PKD1L3: variants seen among roughly 807,000 people sequenced by gnomAD.
PKD1L3 encodes the protein polycystin-1-like protein 3.
Under a neutral mutation model 184.1 loss-of-function variants are expected in PKD1L3, and 239 were observed. The ratio of observed to expected loss-of-function variants is 1.30; its 90% confidence interval spans 1.17 to 1.45. The LOEUF (loss-of-function observed/expected upper bound fraction) is 1.45, where lower values mean the gene tolerates loss of function less well. Among genes scored for constraint, PKD1L3 ranks in the 40% most tolerant of loss-of-function variants. The pLI, the probability that PKD1L3 is intolerant of heterozygous loss-of-function variation, is 0.00. For synonymous variants in PKD1L3, 996 were observed against 778.8 expected (o/e 1.28, Z -4.64); for missense variants, 2,660 against 2,067.2 (o/e 1.29, Z -5.56).
At chr16:71,982,657 T>G (rs1300725060) in intron 6 of PKD1L3, among the ~76,000 whole-genome samples, 3 of 151,946 alleles carry the variant, frequency 2.0e-5, no homozygotes, top group Non-Finnish European at 2.9e-5. Context: ...AGTGCAGTGG[T>G]ACAATCATGC....
intron 10 of PKD1L3, 46 bp downstream of exon 10, chr16:71,978,209 A>G: frequency 6.6e-7 from 1 of 1,520,316 alleles, no homozygotes; most frequent in Non-Finnish European, 8.9e-7. Flanking sequence ...CCTGTTGCAG[A>G]ATATCCCATT....
intron 15 of PKD1L3, among the ~76,000 whole-genome samples, 200 bp downstream of exon 15, chr16:71,966,937 T>A (rs1034032961): frequency 6.6e-6 from 1 of 152,196 alleles, no homozygotes; most frequent in African/African-American, 2.4e-5. Context: ...ATTATTCTAC[T>A]ATCCAAAAAA....
chr16:71,980,928 T>C (rs1029634395), intron 7 of PKD1L3, among the ~76,000 whole-genome samples: 3 of 152,226 alleles, frequency 2.0e-5, no homozygotes, highest in Non-Finnish European at 4.4e-5. Context: ...ATCTACTTTA[T>C]GTGTCTACAG....
In PKD1L3 at chr16:71,986,315, G is replaced by C. The variant is rs1285739028; in HGVS notation, c.740C>G (p.Ser247Cys). The C allele has an allele frequency of 2.6e-6, 4 of 1,552,130 alleles. No homozygotes were observed. The highest frequency in any genetic ancestry group is 2.4e-5 in the East Asian group (1 of 40,914). The change falls in exon 5 of 30, where the codon TCT (serine) becomes TGT (cysteine). Residue 247 changes from serine to cysteine, a missense_variant. By Grantham distance (112) the Ser-to-Cys change is moderately radical. Transcript: ENST00000620267. ...TGGGCTTGAAGTTGTTTCTGCCAGA[G>C]ATTGCCCAGCATGCGTGACAGACAC... ...MPVSVTHAGQ[S>C]LAETTSSPKE...
intron 5 of PKD1L3, 56 bp downstream of exon 5, chr16:71,986,165 C>T: frequency 1.3e-6 from 2 of 1,535,940 alleles, no homozygotes; most frequent in Non-Finnish European, 8.8e-7. Flanking sequence ...AATGGGTGAA[C>T]CAAGTACTTT....
At chr16:71,944,353 T>C (rs780098113) in intron 22 of PKD1L3, among the ~76,000 whole-genome samples, 183 bp from the exon 23 acceptor site, 18 of 152,250 alleles carry the variant, frequency 1.2e-4, no homozygotes, top group East Asian at 1.9e-4. Context: ...TTCCAATCAA[T>C]TGGGGACTGA....
rs943708022 is a variant in PKD1L3 at position 71,962,890 on chromosome 16, T to C, written c.2612+315A>G. ...TTGTATCATCGAAGTAGTGGTATCC[T>C]TTTTATATTCCATTGATCTGAGTGA... On this transcript the variant is annotated intron_variant, in intron 16 of 29. Coordinates refer to ENST00000620267, the MANE Select transcript of PKD1L3 (RefSeq NM_181536.2). Among the ~76,000 whole-genome samples, 12 of 152,340 alleles carry C rather than the reference T, an allele frequency of 7.9e-5. No individual in the cohort carries two copies. The South Asian group carries it at 2.5e-3, about 32-fold the overall frequency.
At chr16:71,994,660 T>G (rs992011684) in intron 2 of PKD1L3, among the ~76,000 whole-genome samples, 1 of 152,132 alleles carries the variant, frequency 6.6e-6, no homozygotes, top group African/African-American at 2.4e-5. Context: ...TCAGCTCCAA[T>G]TCTTCTCCTC....
chr16:71,957,082 T>C (rs1031740993), intron 16 of PKD1L3, among the ~76,000 whole-genome samples: 2 of 152,214 alleles, frequency 1.3e-5, no homozygotes, highest in Non-Finnish European at 2.9e-5. Flanking sequence ...TAAATTAGAA[T>C]TTTAATTATA....
At chr16:71,976,387 C>T in intron 11 of PKD1L3, among the ~76,000 whole-genome samples, 1 of 151,242 alleles carries the variant, frequency 6.6e-6, no homozygotes. Flanking sequence ...TCCCAAGTAG[C>T]TGGGATTACA....
intron 15 of PKD1L3, among the ~76,000 whole-genome samples, chr16:71,966,635 T>G (rs1011976874): frequency 2.6e-5 from 4 of 152,082 alleles, no homozygotes; most frequent in Non-Finnish European, 4.4e-5. Context: ...TCTTCCTATG[T>G]AGCTCAGGCT....
At chr16:71,998,647 C>T (rs1199737284) in intron 1 of PKD1L3, among the ~76,000 whole-genome samples, 3 of 152,050 alleles carry the variant, frequency 2.0e-5, no homozygotes, top group Admixed American at 1.3e-4. Context: ...GATGGGGTTT[C>T]ACCATGTTGG....
Position 71,999,932 on chromosome 16 carries a change from C to T in PKD1L3, c.47G>A (p.Ser16Asn). Residue 16 changes from serine (S) to asparagine (N), a missense_variant, in exon 1 of 30, where the codon AGT (serine) becomes AAT (asparagine). Ser to Asn is a conservative substitution (Grantham distance 46). Transcript: ENST00000620267. ...GSWLWLYIRT[S>N]IILGSELNSP... ...GTTTAGCTCACTTCCTAGAATAATA[C>T]TTGTTCTGATGTATAACCAAAGCCA... The T allele has an allele frequency of 1.3e-6, 2 of 1,548,790 alleles. No homozygotes were observed. The highest frequency in any genetic ancestry group is 2.5e-5 in the East Asian group (1 of 40,800).
intron 14 of PKD1L3, 80 bp from the exon 15 acceptor site, chr16:71,967,395 GA>G: frequency 7.4e-7 from 1 of 1,343,406 alleles, no homozygotes. Flanking sequence ...GAAAGACGAA[GA>G]CATAGAAAAC....
Position 71,993,343 on chromosome 16 carries a change from GC to G in PKD1L3, c.419-12del. On this transcript the variant is annotated splice_polypyrimidine_tract_variant and intron_variant, in intron 2 of 29. Coordinates refer to ENST00000620267, the MANE Select transcript of PKD1L3 (RefSeq NM_181536.2). Reference sequence around the variant, plus strand: ...CGTCCAAAAAGTCACCTATTTGAAAGCCAACACACAAGTTAATTTATAGGTT... The same window carrying G: ...CGTCCAAAAAGTCACCTATTTGAAAGCAACACACAAGTTAATTTATAGGTT... 1 of 1,496,148 alleles carries G rather than the reference GC, an allele frequency of 6.7e-7. No homozygotes were observed. Among genetic ancestry groups the G allele is most frequent in the Non-Finnish European group, 9.1e-7 (1 of 1,101,436 alleles). The allele number at this position is 1,496,148 out of a possible 1,614,324, so 92.7% of individuals were successfully genotyped here. A position where few individuals can be genotyped will look rare whatever the true frequency, so the allele number is the denominator to read the frequency against.
chr16:71,967,268 G>T lies in PKD1L3; in HGVS notation c.2334C>A (p.His778Gln), dbSNP rs2039535968. The T allele has an allele frequency of 1.3e-6, 2 of 1,551,562 alleles. No individual in the cohort carries two copies. The highest frequency in any genetic ancestry group is 1.2e-5 in the South Asian group (1 of 84,066). The change falls in exon 15 of 30, where the codon CAC becomes CAA. Residue 778 changes from histidine (H) to glutamine (Q), a missense_variant. Coordinates refer to ENST00000620267, the MANE Select transcript of PKD1L3 (RefSeq NM_181536.2). ...YGSEGRSEPH[H>Q]LCDPQKTVFE... is the part of the protein sequence containing the mutation. ...AGACTGTCTTCTGGGGGTCACAGAGGTGATGGGGCTCACTCCGTCCCTCTG... is the reference window on the plus strand; with the variant it reads ...AGACTGTCTTCTGGGGGTCACAGAGTTGATGGGGCTCACTCCGTCCCTCTG...
chr16:71,953,019 G>A lies in PKD1L3; in HGVS notation c.2884C>T (p.Leu962Phe), dbSNP rs1390356978. Residue 962 changes from leucine (L) to phenylalanine (F), a missense_variant, in exon 18 of 30, where the codon CTT becomes TTT. Leu to Phe is a conservative substitution (Grantham distance 22, BLOSUM62 0). Transcript: ENST00000620267. ...AACGGGAAGAGCCGCCCTATGACAA[G>A]ATTGATTGGGAAGAGGATGACAGCA... is the stretch of plus-strand genomic sequence containing the variant. ...HTAVILFPIN[L>F]VIGRLFPLIE... The A allele has an allele frequency of 6.5e-7, 1 of 1,549,128 alleles. No homozygotes were observed. Among genetic ancestry groups the A allele is most frequent in the Non-Finnish European group, 8.7e-7 (1 of 1,146,060 alleles).
intron 16 of PKD1L3, among the ~76,000 whole-genome samples, chr16:71,957,360 A>G (rs1417733620): frequency 6.6e-6 from 1 of 152,186 alleles, no homozygotes; most frequent in East Asian, 1.9e-4. Flanking sequence ...ACCTTACCTT[A>G]TTAGTAATTA....
rs1772395014 is a variant in PKD1L3 at position 71,947,681 on chromosome 16, A to G, written c.3619-90T>C. The G allele has an allele frequency of 1.2e-5, 10 of 820,386 alleles. No individual in the cohort carries two copies. In the South Asian group the frequency reaches 1.7e-4, roughly 14 times the overall value. 50.8% of individuals were successfully genotyped at this position (820,386 alleles called of 1,614,324 possible). ...GTAAAGGAAGAGGTGGGCACTCATG[A>G]AAAACTTCAATTATTTGGCTCTTCA... On this transcript the variant is annotated intron_variant, in intron 21 of 29. Transcript: ENST00000620267.
Sources: gnomAD v4.1 joint callset for allele counts (sites outside exome capture counted in the v4.1 genomes callset) on GRCh38, gnomAD v4.1.1 for gene constraint, MANE v1.5 for transcripts, NCBI Gene and HGNC (gene_info 2026-07-23, HGNC 2026-07-21) for gene names.